Variants in FGF12 observed in about 807,000 individuals in gnomAD.
FGF12 encodes the protein fibroblast growth factor 12B.
A neutral mutation model predicts 23.6 loss-of-function variants in FGF12; 14 were observed. That is an observed-to-expected ratio of 0.59 (90% CI 0.39 to 0.93). The LOEUF is 0.93. Among genes scored for constraint, FGF12 ranks in the 40% least tolerant of loss-of-function variants. The pLI is 0.00. For synonymous variants in FGF12, 62 were observed against 77.3 expected (o/e 0.80, Z 1.04); for missense variants, 175 against 217.8 (o/e 0.80, Z 1.24).
chr3:192,210,327 C>G (rs1317146747), intron 4 of FGF12, among the ~76,000 whole-genome samples: 4 of 152,066 alleles, frequency 2.6e-5, no homozygotes, highest in Non-Finnish European at 5.9e-5. Context: ...TAGACGAATA[C>G]TGACCTGCAT....
chr3:192,459,927 A>G (rs1350881669), intron 2 of FGF12, among the ~76,000 whole-genome samples: 1 of 151,794 alleles, frequency 6.6e-6, no homozygotes, highest in African/African-American at 2.4e-5. Context: ...CCTTCAAAAA[A>G]CCCTCATTGA....
intron 2 of FGF12, among the ~76,000 whole-genome samples, chr3:192,588,253 G>A (rs1358924188): frequency 6.6e-6 from 1 of 150,534 alleles, no homozygotes; most frequent in African/African-American, 2.4e-5. Flanking sequence ...GGGAGGCTGA[G>A]GCAGGAGAAT....
At chr3:192,669,372 A>T (rs913703072) in intron 2 of FGF12, among the ~76,000 whole-genome samples, 3 of 151,918 alleles carry the variant, frequency 2.0e-5, no homozygotes, top group Non-Finnish European at 2.9e-5. Flanking sequence ...CGGATCATGA[A>T]GTCAAGAGAT....
At chr3:192,601,650 A>G (rs1714119710) in intron 2 of FGF12, among the ~76,000 whole-genome samples, 1 of 152,076 alleles carries the variant, frequency 6.6e-6, no homozygotes, top group South Asian at 2.1e-4. Context: ...AGCACAGAGG[A>G]CTTTAAACAC....
chr3:192,581,410 ATATATATATGTGTGTGTATATATATATG>A (rs1399693919), intron 2 of FGF12, among the ~76,000 whole-genome samples: 6 of 150,188 alleles, frequency 4.0e-5, no homozygotes, highest in South Asian at 2.1e-4. Context: ...TCTCTAAAAT[ATATATATATGTGTGTGTATATATATATG>A]TATATATATG....
intron 4 of FGF12, among the ~76,000 whole-genome samples, chr3:192,246,422 T>C (rs912529982): frequency 6.6e-6 from 1 of 152,182 alleles, no homozygotes; most frequent in Non-Finnish European, 1.5e-5. Context: ...TAGATAGATA[T>C]ACACTTTCCT....
At chr3:192,477,297 G>C (rs1723352974) in intron 2 of FGF12, among the ~76,000 whole-genome samples, 1 of 152,172 alleles carries the variant, frequency 6.6e-6, no homozygotes, top group Admixed American at 6.5e-5. Flanking sequence ...AAGCAGCAGA[G>C]TACACTCATG....
intron 4 of FGF12, among the ~76,000 whole-genome samples, chr3:192,279,332 G>A (rs764934600): frequency 2.7e-5 from 4 of 150,866 alleles, no homozygotes; most frequent in Non-Finnish European, 5.9e-5. Flanking sequence ...CATTTCATAG[G>A]TAAAGAAAAT....
chr3:192,267,266 A>G (rs1713137748), intron 4 of FGF12: 1 of 152,190 alleles, frequency 6.6e-6, no homozygotes, highest in African/African-American at 2.4e-5. Flanking sequence ...GCAGCACAGC[A>G]TCTCCAGGAA....
intron 2 of FGF12, among the ~76,000 whole-genome samples, chr3:192,366,654 A>C (rs1272378372): frequency 1.3e-5 from 2 of 152,190 alleles, no homozygotes; most frequent in Non-Finnish European, 2.9e-5. Flanking sequence ...TCACTTTAAA[A>C]GAGTACTGGC....
In FGF12 at chr3:192,657,708, A is replaced by G. The variant is rs537849196; in HGVS notation, c.13+69473T>C. Reference sequence around the variant, plus strand: ...AATTTTTAAAATCCTACATTTGGCTATAGTATAATGGGATCTTATGTATCT... The same window carrying G: ...AATTTTTAAAATCCTACATTTGGCTGTAGTATAATGGGATCTTATGTATCT... On this transcript the variant is annotated intron_variant, in intron 2 of 5. Coordinates refer to ENST00000445105, the MANE Select transcript of FGF12 (RefSeq NM_004113.6). 4.6e-5 allele frequency among the ~76,000 whole-genome samples: 7 copies of G among 152,334 alleles called. No individual in the cohort carries two copies. In the East Asian group the frequency reaches 1.2e-3, roughly 25 times the overall value.
In FGF12 at chr3:192,172,488, ATAT is replaced by A. The variant is rs898828273; in HGVS notation, c.229-1835_229-1833del. On this transcript the variant is annotated intron_variant, in intron 4 of 5. Coordinates refer to ENST00000445105, the MANE Select transcript of FGF12 (RefSeq NM_004113.6). ...AGATAATATGAATAGCAATAAATTA[ATAT>A]TATGTTTATATTAATACTGAAATAT... Among the ~76,000 whole-genome samples the A allele has an allele frequency of 3.3e-5, 5 of 150,412 alleles. 1 individual carries two copies. The East Asian group carries it at 6.4e-4, about 19-fold the overall frequency.
At chr3:192,179,319 T>A (rs1716035478) in intron 4 of FGF12, among the ~76,000 whole-genome samples, 1 of 152,196 alleles carries the variant, frequency 6.6e-6, no homozygotes, top group Admixed American at 6.6e-5. Context: ...AAATAAAGGT[T>A]CTTTGTTAAC....
At chr3:192,482,036 T>C (rs935210636) in intron 2 of FGF12, among the ~76,000 whole-genome samples, 22 of 152,172 alleles carry the variant, frequency 1.4e-4, no homozygotes, top group Non-Finnish European at 2.9e-4. Context: ...TGGGGACTCC[T>C]GGGCCCAATG....
chr3:192,635,158 C>A (rs35207822), intron 2 of FGF12, among the ~76,000 whole-genome samples: 23,315 of 152,120 alleles, frequency 0.15, 2,980 homozygotes, highest in African/African-American at 0.34. Context: ...CCACGCCTGA[C>A]GGAGAATAAT....
intron 2 of FGF12, among the ~76,000 whole-genome samples, chr3:192,659,242 C>A (rs1030172956): frequency 2.0e-5 from 3 of 152,178 alleles, no homozygotes; most frequent in African/African-American, 7.2e-5. Flanking sequence ...TATGGCATTT[C>A]TTCTCCCTAC....
chr3:192,445,900 A>G (rs547560804), intron 2 of FGF12, among the ~76,000 whole-genome samples: 1 of 152,326 alleles, frequency 6.6e-6, no homozygotes, highest in South Asian at 2.1e-4. Context: ...GTGACTGCAG[A>G]GTTATCCAGA....
chr3:192,631,869 C>T (rs1715402398), intron 2 of FGF12, among the ~76,000 whole-genome samples: 1 of 152,196 alleles, frequency 6.6e-6, no homozygotes, highest in Non-Finnish European at 1.5e-5. Flanking sequence ...CTGGGGTCTT[C>T]ACATGCTAGT....
At chr3:192,650,857 T>C (rs1001655379) in intron 2 of FGF12, among the ~76,000 whole-genome samples, 2 of 152,186 alleles carry the variant, frequency 1.3e-5, no homozygotes, top group Non-Finnish European at 2.9e-5. Context: ...TCCGACAAGA[T>C]AGCTTGAATT....
Sources: allele counts gnomAD v4.1 joint callset (sites outside exome capture counted in the v4.1 genomes callset), GRCh38; gene constraint gnomAD v4.1.1; transcripts MANE v1.5; gene names NCBI Gene and HGNC (gene_info 2026-07-23, HGNC 2026-07-21).